The following AADACL2 variants were observed in gnomAD, a reference collection of about 807,000 sequenced individuals.
AADACL2 encodes arylacetamide deacetylase-like 2.
AADACL2 carries 23 observed loss-of-function variants against 22.3 expected under a neutral mutation model. The observed-to-expected ratio is 1.03, with a 90% confidence interval of 0.74 to 1.46. The LOEUF is 1.46. Among genes scored for constraint, AADACL2 ranks in the 40% most tolerant of loss-of-function variants. AADACL2 has a pLI of 0.00. For synonymous variants in AADACL2, 177 were observed against 166.2 expected (o/e 1.07, Z -0.50); for missense variants, 472 against 482.9 (o/e 0.98, Z 0.21).
intron 3 of AADACL2, 104 bp downstream of exon 3, chr3:151,744,266 A>G (rs1713371523): frequency 9.3e-7 from 1 of 1,073,900 alleles, no homozygotes; most frequent in African/African-American, 1.6e-5. Flanking sequence ...TTTTTAAATT[A>G]ATATATTTTA....
chr3:151,759,969 T>C lies in AADACL2; in HGVS notation c.*2375T>C, dbSNP rs1430833202. On this transcript the variant is annotated 3_prime_UTR_variant, in exon 5 of 5. Coordinates refer to ENST00000356517, the MANE Select transcript of AADACL2 (RefSeq NM_207365.4). ...ATTTTAAATTGACAATAATTGTACA[T>C]ATTCATGGGATACATAGTGACGTTT... is the stretch of plus-strand genomic sequence containing the variant. The C allele has an allele frequency of 2.0e-5, 3 of 152,210 alleles. No homozygotes were observed. Among genetic ancestry groups the C allele is most frequent in the Admixed American group, 6.5e-5 (1 of 15,280 alleles). 9.4% of individuals were successfully genotyped at this position (152,210 alleles called of 1,614,324 possible). A position where few individuals can be genotyped will look rare whatever the true frequency, so the allele number is the denominator to read the frequency against.
At position 151,761,025 on chromosome 3, in the gene AADACL2, T is replaced by C. The variant is rs567858756; in HGVS notation, c.*3431T>C. On this transcript the variant is annotated 3_prime_UTR_variant, in exon 5 of 5. Transcript: ENST00000356517. ...TCTTTGTAAAGACCCTATCTGCAAA[T>C]AAAATCACATGTAAAGTATTGGGGC... is the stretch of plus-strand genomic sequence containing the variant. 2 of 151,514 alleles carry C rather than the reference T, an allele frequency of 1.3e-5. No homozygotes were observed. The highest frequency in any genetic ancestry group is 3.9e-4 in the East Asian group (2 of 5,174). 9.4% of individuals were successfully genotyped at this position (151,514 alleles called of 1,614,324 possible).
At chr3:151,749,526 A>T (rs550297051) in intron 4 of AADACL2, among the ~76,000 whole-genome samples, 1 of 152,198 alleles carries the variant, frequency 6.6e-6, no homozygotes, top group African/African-American at 2.4e-5. Flanking sequence ...TCTGTTGCCC[A>T]GGCTGGAGTG....
chr3:151,734,005 G>A lies in AADACL2; in HGVS notation c.-31G>A, dbSNP rs1713006989. 1 of 1,572,778 alleles carries A rather than the reference G, an allele frequency of 6.4e-7. No homozygotes were observed. The highest frequency in any genetic ancestry group is 8.6e-7 in the Non-Finnish European group (1 of 1,157,956). ...GTGTTTGTGAAAAATTTTAATCTCA[G>A]TACTGTGAAGAAGCTGGAAAAAGGG... On this transcript the variant is annotated 5_prime_UTR_variant, in exon 1 of 5. Transcript: ENST00000356517.
intron 1 of AADACL2, 89 bp downstream of exon 1, chr3:151,734,262 T>A: frequency 7.5e-7 from 1 of 1,337,540 alleles, no homozygotes; most frequent in Non-Finnish European, 1.0e-6. Context: ...TTAATAGTAT[T>A]AATATCACCA....
intron 4 of AADACL2, among the ~76,000 whole-genome samples, chr3:151,748,320 T>G (rs1342346092): frequency 6.6e-6 from 1 of 152,228 alleles, no homozygotes; most frequent in Non-Finnish European, 1.5e-5. Context: ...TCCAATTTCA[T>G]TCTTCTGCAT....
chr3:151,741,261 G>A (rs1321704387), intron 2 of AADACL2, among the ~76,000 whole-genome samples: 3 of 152,092 alleles, frequency 2.0e-5, no homozygotes, highest in African/African-American at 7.2e-5. Flanking sequence ...GTTGCTACAA[G>A]ATCAAGTTTG....
At chr3:151,743,961 T>C in intron 2 of AADACL2, 132 bp from the exon 3 acceptor site, 1 of 855,584 alleles carries the variant, frequency 1.2e-6, no homozygotes. Flanking sequence ...GTCCATCTGC[T>C]TGGAAATGGG....
At position 151,742,651 on chromosome 3, in the gene AADACL2, G is replaced by T. The variant is rs192818125; in HGVS notation, c.362-1442G>T. ...TCAGTGTCCATAATGAGTGAGAAAA[G>T]GGTGGTCACACATCACTTTGTTCCC... On this transcript the variant is annotated intron_variant, in intron 2 of 4. Coordinates refer to ENST00000356517, the MANE Select transcript of AADACL2 (RefSeq NM_207365.4). 4.0e-3 allele frequency among the ~76,000 whole-genome samples: 615 copies of T among 152,208 alleles called. 7 individuals carry two copies. The highest frequency in any genetic ancestry group is 0.014 in the African/African-American group (589 of 41,538).
chr3:151,759,068 G>A lies in AADACL2; in HGVS notation c.*1474G>A, dbSNP rs190453061. The A allele has an allele frequency of 1.1e-3, 164 of 152,092 alleles. No individual in the cohort carries two copies. Among genetic ancestry groups the A allele is most frequent in the African/African-American group, 3.9e-3 (161 of 41,508 alleles). The allele number at this position is 152,092 out of a possible 1,614,324, so 9.4% of individuals were successfully genotyped here. ...ACCCCAAAGCTAAAAACGCAAACATGACTATGACAAATGAAAATAAGTATC... is the reference window on the plus strand; with the variant it reads ...ACCCCAAAGCTAAAAACGCAAACATAACTATGACAAATGAAAATAAGTATC... On this transcript the variant is annotated 3_prime_UTR_variant, in exon 5 of 5. Coordinates refer to ENST00000356517, the MANE Select transcript of AADACL2 (RefSeq NM_207365.4).
intron 4 of AADACL2, among the ~76,000 whole-genome samples, chr3:151,750,545 CCTTTCTATTTAA>C (rs1190651538): frequency 1.3e-5 from 2 of 151,854 alleles, no homozygotes; most frequent in African/African-American, 4.8e-5. Context: ...AACTTGTCTA[CCTTTCTATTTAA>C]AAAAAAAAGA....
chr3:151,757,438 T>A lies in AADACL2; in HGVS notation c.1050T>A (p.Tyr350Ter), dbSNP rs538960138. 5 of 1,613,542 alleles carry A rather than the reference T, an allele frequency of 3.1e-6. No homozygotes were observed. Among genetic ancestry groups the A allele is most frequent in the Non-Finnish European group, 4.2e-6 (5 of 1,179,664 alleles). The stretch of plus-strand genomic sequence containing the variant: ...TCTTAAGAGATGATGGACTTATGTA[T>A]GTTACAAGACTTCGAAATGTTGGAG... ...HDLLRDDGLMYVTRLRNVGVQ... is the reference protein window; with the variant it reads ...HDLLRDDGLM Residue 350 changes from tyrosine to a stop codon, truncating the protein, a stop_gained, in exon 5 of 5, where the codon TAT (tyrosine) becomes TAA (stop). Transcript: ENST00000356517. LOFTEE classifies it low-confidence loss of function (END_TRUNC).
intron 4 of AADACL2, among the ~76,000 whole-genome samples, chr3:151,755,321 A>T (rs1425851689): frequency 6.6e-6 from 1 of 152,152 alleles, no homozygotes; most frequent in Non-Finnish European, 1.5e-5. Context: ...AGAAAGATTA[A>T]TCATGTACAT....
In AADACL2 at chr3:151,744,043, A is replaced by G. The variant is rs774315946; in HGVS notation, c.362-50A>G. 17 of 1,569,762 alleles carry G rather than the reference A, an allele frequency of 1.1e-5. No homozygotes were observed. The South Asian group carries it at 1.5e-4, about 13-fold the overall frequency. On this transcript the variant is annotated intron_variant, in intron 2 of 4. Transcript: ENST00000356517. Reference sequence around the variant, plus strand: ...CACATTCATATCTGTAACTGTTTCTATAGCTTTTTAATTACAGGAAATACT... The same window carrying G: ...CACATTCATATCTGTAACTGTTTCTGTAGCTTTTTAATTACAGGAAATACT...
At chr3:151,736,885 T>C (rs1320392029) in intron 1 of AADACL2, among the ~76,000 whole-genome samples, 2 of 152,172 alleles carry the variant, frequency 1.3e-5, no homozygotes, top group African/African-American at 2.4e-5. Flanking sequence ...TTAAAGATCA[T>C]TGAGGAATTG....
Position 151,745,543 on chromosome 3 carries a change from CA to C in AADACL2, c.467del (p.Gln156ArgfsTer39). On this transcript the variant is annotated frameshift_variant, in exon 4 of 5. Transcript: ENST00000356517. LOFTEE classifies it high-confidence loss of function. ...GGCTCCTCAACACCACTTTCCTGCT[CA>C]GTTTGAAGATGGCCTTGCTGCAGTC... ...RLAPQHHFPA[Q>X]FEDGLAAVKF... 6.2e-7 allele frequency: 1 copy of C among 1,613,780 alleles called. No individual in the cohort carries two copies. The highest frequency in any genetic ancestry group is 2.2e-5 in the East Asian group (1 of 44,868).
chr3:151,749,975 T>G (rs28607773), intron 4 of AADACL2, among the ~76,000 whole-genome samples: 36,180 of 152,108 alleles, frequency 0.24, 4,691 homozygotes, highest in African/African-American at 0.34. Context: ...GATGTTAGCC[T>G]TGAGCTTGTC....
In AADACL2 at chr3:151,761,296, T is replaced by C. The variant is rs1393826047; in HGVS notation, c.*3702T>C. The C allele has an allele frequency of 6.7e-6, 1 of 149,938 alleles. No homozygotes were observed. Among genetic ancestry groups the C allele is most frequent in the Non-Finnish European group, 1.5e-5 (1 of 67,932 alleles). The allele number at this position is 149,938 out of a possible 1,614,324, so 9.3% of individuals were successfully genotyped here. ...AGCAAGTATCATATGTTCCAATTTC[T>C]TAAAAGTAAATAAAGGCCTTGTGCC... is the stretch of plus-strand genomic sequence containing the variant. On this transcript the variant is annotated 3_prime_UTR_variant, in exon 5 of 5. Transcript: ENST00000356517.
chr3:151,749,902 T>A (rs1395931916), intron 4 of AADACL2, among the ~76,000 whole-genome samples: 1 of 152,204 alleles, frequency 6.6e-6, no homozygotes, highest in East Asian at 1.9e-4. Flanking sequence ...ATAGTGAGAA[T>A]GGGTATCTTT....
Sources: allele counts gnomAD v4.1 joint callset (sites outside exome capture counted in the v4.1 genomes callset), GRCh38; gene constraint gnomAD v4.1.1; transcripts MANE v1.5; gene names NCBI Gene and HGNC (gene_info 2026-07-23, HGNC 2026-07-21).